Variants in TRAF3IP2 observed in about 807,000 individuals in gnomAD.
TRAF3IP2 encodes the protein E3 ubiquitin ligase TRAF3IP2.
Under a neutral mutation model 57.9 loss-of-function variants are expected in TRAF3IP2, and 35 were observed. The ratio of observed to expected loss-of-function variants is 0.60; its 90% CI spans 0.46 to 0.80. TRAF3IP2 has a LOEUF of 0.80. Ranked by LOEUF, TRAF3IP2 falls within the 30% of genes least tolerant of loss-of-function variation. The probability of loss-of-function intolerance (pLI) is 0.00; values close to 1 mark genes in which losing one functional copy is unlikely to be tolerated. For synonymous variants in TRAF3IP2, 251 were observed against 268.9 expected (o/e 0.93, Z 0.65); for missense variants, 556 against 706.4 (o/e 0.79, Z 2.41).
chr6:111,578,267 T>A (rs1796050758), intron 3 of TRAF3IP2, among the ~76,000 whole-genome samples: 1 of 152,234 alleles, frequency 6.6e-6, no homozygotes, highest in Non-Finnish European at 1.5e-5. Flanking sequence ...ATATTTCTTC[T>A]GTTAGAGTGC....
At chr6:111,589,292 G>C (rs1562432028) in intron 2 of TRAF3IP2, among the ~76,000 whole-genome samples, 1 of 152,088 alleles carries the variant, frequency 6.6e-6, no homozygotes, top group East Asian at 1.9e-4. Context: ...TCAAACTTCT[G>C]ATCTCAAGTG....
At chr6:111,580,578 T>C (rs1445218576) in intron 2 of TRAF3IP2, among the ~76,000 whole-genome samples, 189 bp from the exon 3 acceptor site, 1 of 152,344 alleles carries the variant, frequency 6.6e-6, no homozygotes, top group Non-Finnish European at 1.5e-5. Flanking sequence ...GAAATTCACT[T>C]TTTTTTGTCC....
At position 111,601,470 on chromosome 6, in the gene TRAF3IP2, T is replaced by C. The variant is rs148192961; in HGVS notation, c.-9+4306A>G. 3.8e-5 allele frequency: 15 copies of C among 389,614 alleles called. No homozygotes were observed. In the East Asian group the frequency reaches 4.9e-4, roughly 13 times the overall value. The allele number at this position is 389,614 out of a possible 1,614,324, so 24.1% of individuals were successfully genotyped here. ...GGGGAGCTATCTTCCAGGGGACAACTCTAAGGCAAGGACGGATGGGATTTA... is the reference window on the plus strand; with the variant it reads ...GGGGAGCTATCTTCCAGGGGACAACCCTAAGGCAAGGACGGATGGGATTTA... On this transcript the variant is annotated intron_variant, in intron 1 of 8. Transcript: ENST00000368761.
rs779224908 is a variant in TRAF3IP2, at chr6:111,591,497, G to A, written c.590C>T (p.Thr197Met). ...RAGLDLPTID[T>M]GYDSQPQDVL... ...ATCCTGGGGCTGGGAATCATATCCC[G>A]TGTCTATGGTTGGCAGATCCAGGCC... The change falls in exon 2 of 9, where the codon ACG becomes ATG. Residue 197 changes from threonine to methionine, a missense_variant. Thr to Met is a moderately conservative substitution (Grantham distance 81). Coordinates refer to ENST00000368761, the MANE Select transcript of TRAF3IP2 (RefSeq NM_147686.4). The surrounding 1 kb of genome is among the most constrained non-coding windows in gnomAD (Gnocchi z 4.9). The A allele has an allele frequency of 2.9e-5, 47 of 1,610,680 alleles. No individual in the cohort carries two copies. The highest frequency in any genetic ancestry group is 3.8e-5 in the Non-Finnish European group (45 of 1,177,378).
chr6:111,564,600 C>A (rs976807906), intron 7 of TRAF3IP2, among the ~76,000 whole-genome samples: 1 of 152,186 alleles, frequency 6.6e-6, no homozygotes, highest in Non-Finnish European at 1.5e-5. Context: ...TTTTCTGTTG[C>A]CTAGAGGGGT....
rs1176310907 is a variant in TRAF3IP2, at chr6:111,591,785, C to T, written c.302G>A (p.Gly101Asp). The T allele has an allele frequency of 1.2e-6, 2 of 1,614,230 alleles. No individual in the cohort carries two copies. Among genetic ancestry groups the T allele is most frequent in the Non-Finnish European group, 1.7e-6 (2 of 1,180,050 alleles). Residue 101 changes from glycine (G) to aspartate (D), a missense_variant, in exon 2 of 9, where the codon GGC (glycine) becomes GAC (aspartate). This residue lies in a region of TRAF3IP2 where 428 missense variants were observed against 498.7 expected (regional missense o/e 0.86). Coordinates refer to ENST00000368761, the MANE Select transcript of TRAF3IP2 (RefSeq NM_147686.4). This position sits in a 1 kb window ranked among gnomAD's most constrained non-coding sequence, Gnocchi z 4.9. The stretch of plus-strand genomic sequence containing the variant: ...CCCAGAAGGGAAAGCTTTGCCCAGG[C>T]CTGGGTGTCTCCTGCAGAAACTGTC... ...SEDSFCRRHP[G>D]LGKAFPSGCS...
chr6:111,596,402 C>T (rs1031646565), intron 1 of TRAF3IP2, among the ~76,000 whole-genome samples: 2 of 152,158 alleles, frequency 1.3e-5, no homozygotes, highest in African/African-American at 2.4e-5. Flanking sequence ...AAGTGATCCT[C>T]CCACCTCAGT....
chr6:111,565,280 G>C, intron 7 of TRAF3IP2: 1 of 152,172 alleles, frequency 6.6e-6, no homozygotes, highest in Non-Finnish European at 1.5e-5. Context: ...TGCTTCCCCT[G>C]AGGTAAAGCT....
At chr6:111,597,824 CTT>C (rs772398577) in intron 1 of TRAF3IP2, 1 of 451,982 alleles carries the variant, frequency 2.2e-6, no homozygotes, top group South Asian at 1.6e-5. Context: ...TCTGTTTTTC[CTT>C]TTTTTTTCCA....
At chr6:111,587,606 T>C (rs188511138) in intron 2 of TRAF3IP2, among the ~76,000 whole-genome samples, 2 of 152,024 alleles carry the variant, frequency 1.3e-5, no homozygotes, top group Non-Finnish European at 1.5e-5. Context: ...AAGGAAAATA[T>C]ACCTGTCTCC....
intron 6 of TRAF3IP2, chr6:111,567,133 G>A (rs1447537770): frequency 5.1e-6 from 5 of 985,310 alleles, no homozygotes; most frequent in Admixed American, 5.3e-5. Flanking sequence ...AATCAATTTC[G>A]ATCTTGTTAA....
At chr6:111,569,485 C>T (rs996694372) in intron 5 of TRAF3IP2, among the ~76,000 whole-genome samples, 4 of 152,200 alleles carry the variant, frequency 2.6e-5, no homozygotes, top group African/African-American at 9.7e-5. Flanking sequence ...GGCGTGGTGG[C>T]TCACGCCTGT....
At position 111,566,495 on chromosome 6, in the gene TRAF3IP2, C is replaced by T. The variant is rs771161608; in HGVS notation, c.1425G>A (p.Ser475=). ...KYKQDVEGAE[S]QLDEDEHGLH... ...AGCCATGCTCATCCTCGTCCAGCTG[C>T]GACTCAGCGCCTTCCACGTCCTGTT... The change falls in exon 7 of 9, where the codon TCG becomes TCA. Residue 475 remains serine, a synonymous_variant. Coordinates refer to ENST00000368761, the MANE Select transcript of TRAF3IP2 (RefSeq NM_147686.4). The T allele has an allele frequency of 8.7e-6, 14 of 1,614,062 alleles. No individual in the cohort carries two copies. The highest frequency in any genetic ancestry group is 2.2e-5 in the East Asian group (1 of 44,894).
intron 8 of TRAF3IP2, 47 bp from the exon 9 acceptor site, chr6:111,559,598 T>C: frequency 6.3e-7 from 1 of 1,594,136 alleles, no homozygotes; most frequent in Non-Finnish European, 8.5e-7. Context: ...GAGAAAAACC[T>C]GGATGCCAGA....
At chr6:111,572,635 G>T (rs1795864740) in intron 5 of TRAF3IP2, 1 of 387,642 alleles carries the variant, frequency 2.6e-6, no homozygotes, top group East Asian at 4.2e-5. Context: ...CTGCATATGT[G>T]GTCAGCATTA....
intron 5 of TRAF3IP2, among the ~76,000 whole-genome samples, chr6:111,572,507 G>A (rs1226392211): frequency 2.0e-5 from 3 of 152,228 alleles, no homozygotes; most frequent in East Asian, 1.9e-4. Context: ...GGTGACCATG[G>A]TGAAGCCTGC....
At position 111,601,454 on chromosome 6, in the gene TRAF3IP2, T is replaced by C. The variant is rs1341008177; in HGVS notation, c.-9+4322A>G. On this transcript the variant is annotated intron_variant, in intron 1 of 8. Coordinates refer to ENST00000368761, the MANE Select transcript of TRAF3IP2 (RefSeq NM_147686.4). ...TGGTGATGCATCTAGAGGGGAGCTA[T>C]CTTCCAGGGGACAACTCTAAGGCAA... The C allele has an allele frequency of 9.7e-6, 4 of 412,082 alleles. No homozygotes were observed. The East Asian group carries it at 1.4e-4, about 15-fold the overall frequency. The allele number at this position is 412,082 out of a possible 1,614,324, so 25.5% of individuals were successfully genotyped here.
At chr6:111,566,826 C>T (rs1795656321) in intron 6 of TRAF3IP2, among the ~76,000 whole-genome samples, 1 of 152,118 alleles carries the variant, frequency 6.6e-6, no homozygotes, top group African/African-American at 2.4e-5. Flanking sequence ...ACTAATAAAC[C>T]TCTAATGAAA....
intron 2 of TRAF3IP2, among the ~76,000 whole-genome samples, chr6:111,585,999 T>C (rs1393964408): frequency 6.0e-5 from 4 of 66,126 alleles, no homozygotes; most frequent in African/African-American, 1.6e-4. Context: ...TTCTTCCTTA[T>C]TAAGAATTAA....
Sources: gnomAD v4.1 joint callset for allele counts (sites outside exome capture counted in the v4.1 genomes callset) on GRCh38, gnomAD v4.1.1 for gene constraint, gnomAD v4.1.1 regional missense constraint, Gnocchi (gnomAD v3.1) non-coding constraint, MANE v1.5 for transcripts, NCBI Gene and HGNC (gene_info 2026-07-23, HGNC 2026-07-21) for gene names.